The following FRMD4A variants were observed in gnomAD, a reference collection of about 807,000 sequenced individuals.
FRMD4A encodes the protein FERM domain-containing protein 4A.
FRMD4A carries 29 observed loss-of-function variants against 129.1 expected under a neutral mutation model. That is an observed-to-expected ratio of 0.22 (90% CI 0.17 to 0.31). The LOEUF (loss-of-function observed/expected upper bound fraction) is 0.31, where lower values mean the gene tolerates loss of function less well. FRMD4A is among the 10% of genes least tolerant of loss of function. The pLI, the probability that FRMD4A is intolerant of heterozygous loss-of-function variation, is 1.00. For missense variants in FRMD4A, 1,272 were observed against 1,375.8 expected (o/e 0.92, Z 1.19); for synonymous variants, 634 against 571.6 (o/e 1.11, Z -1.56).
chr10:14,186,081 A>G (rs926588905), intron 2 of FRMD4A, among the ~76,000 whole-genome samples: 1 of 152,178 alleles, frequency 6.6e-6, no homozygotes, highest in African/African-American at 2.4e-5. Context: ...ACCATCGTCC[A>G]AAGAGACAAA....
At chr10:13,991,493 C>G (rs1182578463) in intron 2 of FRMD4A, among the ~76,000 whole-genome samples, 1 of 152,196 alleles carries the variant, frequency 6.6e-6, no homozygotes, top group Non-Finnish European at 1.5e-5. Flanking sequence ...GCACCAAGTC[C>G]CTGTGTACTC....
At chr10:14,320,272 A>G (rs1846924436) in intron 2 of FRMD4A, among the ~76,000 whole-genome samples, 1 of 152,188 alleles carries the variant, frequency 6.6e-6, no homozygotes, top group Admixed American at 6.5e-5. Flanking sequence ...GATGCCCCCA[A>G]GAGCATTTGC....
At chr10:13,887,262 C>T (rs560885962) in intron 2 of FRMD4A, among the ~76,000 whole-genome samples, 7 of 152,156 alleles carry the variant, frequency 4.6e-5, no homozygotes, top group Non-Finnish European at 7.4e-5. Flanking sequence ...TGAACCGGAT[C>T]CCCCATAGTC....
At chr10:14,278,466 G>C (rs947752665) in intron 2 of FRMD4A, among the ~76,000 whole-genome samples, 2 of 152,120 alleles carry the variant, frequency 1.3e-5, no homozygotes, top group Non-Finnish European at 2.9e-5. Flanking sequence ...CCATAATTTA[G>C]CATGAAAATT....
At chr10:13,657,610 A>T (rs911574231) in intron 21 of FRMD4A, 88 bp from the exon 22 acceptor site, 2 of 1,437,468 alleles carry the variant, frequency 1.4e-6, no homozygotes, top group Admixed American at 2.6e-5. Flanking sequence ...TGAGGAGGGC[A>T]CTGGGTGTCT....
chr10:13,893,138 G>A (rs1286718252), intron 2 of FRMD4A, among the ~76,000 whole-genome samples: 2 of 152,136 alleles, frequency 1.3e-5, no homozygotes, highest in African/African-American at 2.4e-5. Flanking sequence ...CTGGGCTCAA[G>A]TGATCTTCCT....
At chr10:14,089,349 C>T (rs1461268677) in intron 2 of FRMD4A, among the ~76,000 whole-genome samples, 1 of 152,104 alleles carries the variant, frequency 6.6e-6, no homozygotes, top group African/African-American at 2.4e-5. Context: ...AGCCCACCAG[C>T]CCCGCAGTGC....
intron 2 of FRMD4A, among the ~76,000 whole-genome samples, chr10:14,065,963 T>C: frequency 6.6e-6 from 1 of 150,726 alleles, no homozygotes; most frequent in Admixed American, 6.6e-5. Flanking sequence ...AAACTACAAC[T>C]TCCAGAAAAC....
At chr10:13,664,918 T>C (rs907254475) in intron 18 of FRMD4A, among the ~76,000 whole-genome samples, 1 of 152,160 alleles carries the variant, frequency 6.6e-6, no homozygotes, top group Non-Finnish European at 1.5e-5. Flanking sequence ...GTTTCGCTCT[T>C]GTTGCCCAGG....
intron 12 of FRMD4A, among the ~76,000 whole-genome samples, chr10:13,717,926 A>G (rs1274300304): frequency 6.6e-6 from 1 of 152,184 alleles, no homozygotes; most frequent in Non-Finnish European, 1.5e-5. Flanking sequence ...TTTATCACCC[A>G]TAACAAAAAG....
chr10:13,908,872 G>T (rs1310707420), intron 2 of FRMD4A, among the ~76,000 whole-genome samples: 2 of 152,028 alleles, frequency 1.3e-5, no homozygotes, highest in Non-Finnish European at 2.9e-5. Flanking sequence ...GTGCTATGTG[G>T]GATATACTTA....
chr10:13,849,021 C>T (rs775166436), intron 3 of FRMD4A, among the ~76,000 whole-genome samples: 9 of 152,184 alleles, frequency 5.9e-5, no homozygotes, highest in Non-Finnish European at 1.2e-4. Context: ...ATCAGCCACC[C>T]CTGGGGGCTG....
intron 2 of FRMD4A, among the ~76,000 whole-genome samples, chr10:13,965,519 T>C (rs1162198318): frequency 6.6e-6 from 1 of 152,214 alleles, no homozygotes; most frequent in Non-Finnish European, 1.5e-5. Context: ...ATATAATGTT[T>C]TCTTTATTGA....
chr10:14,086,415 TA>T (rs1483793779), intron 2 of FRMD4A, among the ~76,000 whole-genome samples: 4 of 152,218 alleles, frequency 2.6e-5, no homozygotes, highest in African/African-American at 7.2e-5. Flanking sequence ...TAAGAAGTGT[TA>T]GAAAAAAATT....
At chr10:14,301,323 A>G (rs1846178149) in intron 2 of FRMD4A, among the ~76,000 whole-genome samples, 2 of 152,196 alleles carry the variant, frequency 1.3e-5, no homozygotes, top group Non-Finnish European at 2.9e-5. Context: ...TCCTTCTACA[A>G]ACTAATGAAC....
chr10:14,303,639 G>A (rs1846256915), intron 2 of FRMD4A, among the ~76,000 whole-genome samples: 1 of 152,192 alleles, frequency 6.6e-6, no homozygotes, highest in South Asian at 2.1e-4. Context: ...GCAGGAGACA[G>A]GGGCTGACAC....
At chr10:13,762,299 A>G (rs2092106153) in intron 7 of FRMD4A, among the ~76,000 whole-genome samples, 1 of 152,146 alleles carries the variant, frequency 6.6e-6, no homozygotes, top group Non-Finnish European at 1.5e-5. Context: ...AACTCTAGCT[A>G]TTCACTTGGC....
At chr10:14,087,633 C>T (rs1836367993) in intron 2 of FRMD4A, 1 of 152,062 alleles carries the variant, frequency 6.6e-6, no homozygotes, top group South Asian at 2.1e-4. Context: ...GAGTGGAAAC[C>T]CAGCCTTCTG....
intron 2 of FRMD4A, among the ~76,000 whole-genome samples, chr10:13,926,922 C>T (rs1006330070): frequency 2.6e-5 from 4 of 152,154 alleles, no homozygotes; most frequent in African/African-American, 9.7e-5. Flanking sequence ...TCAAGTTCTT[C>T]CAAGTCCTAA....
Sources: gnomAD v4.1 joint callset for allele counts (sites outside exome capture counted in the v4.1 genomes callset) on GRCh38, gnomAD v4.1.1 for gene constraint, MANE v1.5 for transcripts, NCBI Gene and HGNC (gene_info 2026-07-23, HGNC 2026-07-21) for gene names.